The following SYNE2 variants were observed in gnomAD, a reference collection of about 807,000 sequenced individuals.
SYNE2 encodes spectrin repeat containing nuclear envelope protein 2.
SYNE2 carries 431 observed loss-of-function variants against 856.3 expected under a neutral mutation model. The ratio of observed to expected loss-of-function variants is 0.50; its 90% CI spans 0.47 to 0.55. SYNE2 has a LOEUF of 0.55. Ranked by LOEUF, SYNE2 falls within the 20% of genes least tolerant of loss-of-function variation. The pLI, the probability that SYNE2 is intolerant of heterozygous loss-of-function variation, is 0.00. For missense variants in SYNE2, 8,129 were observed against 8,023.2 expected, an observed-to-expected ratio of 1.01 and a Z score of -0.50; for synonymous variants, 2,923 against 2,872.3, an observed-to-expected ratio of 1.02 and a Z score of -0.56.
At chr14:63,945,107 T>C (rs1401144666) in intron 6 of SYNE2, among the ~76,000 whole-genome samples, 3 of 17,924 alleles carry the variant, frequency 1.7e-4, no homozygotes, top group Non-Finnish European at 3.0e-4. Context: ...ACCTGGCCTT[T>C]TTTTTTTTTT....
At chr14:63,957,738 A>G (rs1016760769) in intron 8 of SYNE2, among the ~76,000 whole-genome samples, 11 of 152,178 alleles carry the variant, frequency 7.2e-5, no homozygotes, top group Admixed American at 1.3e-4. Context: ...GTGGTGGTGC[A>G]TGCCTGTAAT....
Position 64,113,362 on chromosome 14 carries a change from G to T in SYNE2, c.12631G>T (p.Ala4211Ser). The change falls in exon 66 of 116, where the codon GCT becomes TCT. Residue 4211 changes from alanine to serine, a missense_variant. Transcript: ENST00000555002. ...TTAGGGCACCACACCTCCTATTGAG[G>T]CTGACACTCTGGACTCTTCTGACGC... ...TEEGTTPPIE[A>S]DTLDSSDAQG... 6.2e-7 allele frequency: 1 copy of T among 1,613,954 alleles called. No homozygotes were observed. Among genetic ancestry groups the T allele is most frequent in the Non-Finnish European group, 8.5e-7 (1 of 1,180,022 alleles).
chr14:64,060,997 G>A (rs938039123), intron 49 of SYNE2, among the ~76,000 whole-genome samples: 1 of 152,194 alleles, frequency 6.6e-6, no homozygotes, highest in African/African-American at 2.4e-5. Context: ...TGCTGCTGCT[G>A]GGGGATGGGT....
intron 99 of SYNE2, among the ~76,000 whole-genome samples, chr14:64,192,870 G>C (rs1455305131): frequency 6.6e-6 from 1 of 152,216 alleles, no homozygotes; most frequent in Non-Finnish European, 1.5e-5. Flanking sequence ...TAAGGAATTT[G>C]GGAGGGAATC....
rs368515471 is a variant in SYNE2, at chr14:63,968,627, TGAAAA to T, written c.1128+785_1128+789del. Among the ~76,000 whole-genome samples the T allele has an allele frequency of 4.1e-4, 63 of 152,352 alleles. 3 individuals are homozygous for T. The highest frequency in any genetic ancestry group is 1.3e-3 in the Admixed American group (20 of 15,294). ...CATATGGTACATAACTTTGTGCACT[TGAAAA>T]GAACACATATTCTGCAGTCATTGGG... On this transcript the variant is annotated intron_variant, in intron 11 of 115. Coordinates refer to ENST00000555002, the MANE Select transcript of SYNE2 (RefSeq NM_182914.3).
intron 61 of SYNE2, among the ~76,000 whole-genome samples, chr14:64,097,307 TAAATG>T (rs757621989): frequency 2.6e-5 from 4 of 151,972 alleles, no homozygotes; most frequent in Non-Finnish European, 4.4e-5. Context: ...GTAGAAAAAG[TAAATG>T]ATTGAGCAGG....
At chr14:63,960,698 C>T (rs2096300091) in intron 8 of SYNE2, 1 of 750,452 alleles carries the variant, frequency 1.3e-6, no homozygotes, top group African/African-American at 1.7e-5. Context: ...ATATTGCATT[C>T]ACCCTTTTGT....
In SYNE2 at chr14:64,056,165, C is replaced by T. The variant is rs1358898791; in HGVS notation, c.9966C>T (p.Ser3322=). ...CTGAGAAACTGGGAATGATATCCAGCCCCGAAGCCAAACTACAACTTCAGT... is the reference window on the plus strand; with the variant it reads ...CTGAGAAACTGGGAATGATATCCAGTCCCGAAGCCAAACTACAACTTCAGT... ...DLTEKLGMIS[S]PEAKLQLQYT... The change falls in exon 49 of 116, where the codon AGC becomes AGT. Residue 3322 remains serine, a synonymous_variant. Transcript: ENST00000555002. 6.2e-7 allele frequency: 1 copy of T among 1,614,076 alleles called. No homozygotes were observed. The highest frequency in any genetic ancestry group is 8.5e-7 in the Non-Finnish European group (1 of 1,179,974).
chr14:64,012,423 T>C (rs1460307624), intron 32 of SYNE2, among the ~76,000 whole-genome samples: 1 of 152,196 alleles, frequency 6.6e-6, no homozygotes, highest in Non-Finnish European at 1.5e-5. Context: ...GACAAACATA[T>C]ATATTTAATC....
Position 64,053,417 on chromosome 14 carries a change from A to G in SYNE2, c.9504A>G (p.Ile3168Met). Residue 3168 changes from isoleucine (I) to methionine (M), a missense_variant, in exon 48 of 116, where the codon ATA becomes ATG. Ile to Met is a conservative substitution (Grantham distance 10). Coordinates refer to ENST00000555002, the MANE Select transcript of SYNE2 (RefSeq NM_182914.3). ...LETSLHVLNQIKSQLQQPLLI... is the reference protein window; with the variant it reads ...LETSLHVLNQMKSQLQQPLLI... Reference sequence around the variant, plus strand: ...CTTCCTTACATGTTTTAAATCAGATAAAATCTCAATTACAGCAGCCATTAC... The same window carrying G: ...CTTCCTTACATGTTTTAAATCAGATGAAATCTCAATTACAGCAGCCATTAC... 6.2e-7 allele frequency: 1 copy of G among 1,613,070 alleles called. No individual in the cohort carries two copies. The highest frequency in any genetic ancestry group is 1.1e-5 in the South Asian group (1 of 90,520).
chr14:64,126,413 G>C lies in SYNE2; in HGVS notation c.13641G>C (p.Val4547=). ...CCCTCAGTCAGTGCCTCAGCAGTGT[G>C]GAGGAGATGCTGGAGATGCCCAGAC... ...FLTLSQCLSS[V]EEMLEMPRLY... is the part of the protein sequence containing the mutation. Residue 4547 remains valine (V), a synonymous_variant, in exon 72 of 116, where the codon GTG becomes GTC. Coordinates refer to ENST00000555002, the MANE Select transcript of SYNE2 (RefSeq NM_182914.3). 6.2e-7 allele frequency: 1 copy of C among 1,614,154 alleles called. No individual in the cohort carries two copies.
rs776801026 is a variant in SYNE2 at position 64,053,471 on chromosome 14, A to C, written c.9558A>C (p.Gln3186His). The stretch of plus-strand genomic sequence containing the variant: ...TAAATTTGGAAATTAAACATATTCA[A>C]AATGAAAAGGACAATTGTGAAGCAT... ...LLINLEIKHI[Q>H]NEKDNCEAFQ... The change falls in exon 48 of 116, where the codon CAA becomes CAC. Residue 3186 changes from glutamine to histidine, a missense_variant. By Grantham distance (24) the Gln-to-His change is conservative. This residue lies in a region of SYNE2 where 5,410 missense variants were observed against 5,284.8 expected (regional missense o/e 1.02). Coordinates refer to ENST00000555002, the MANE Select transcript of SYNE2 (RefSeq NM_182914.3). The C allele has an allele frequency of 1.2e-6, 2 of 1,614,072 alleles. No homozygotes were observed. The highest frequency in any genetic ancestry group is 1.3e-5 in the African/African-American group (1 of 75,052).
intron 99 of SYNE2, among the ~76,000 whole-genome samples, chr14:64,199,619 G>A (rs1486205459): frequency 2.6e-5 from 4 of 150,948 alleles, no homozygotes; most frequent in Admixed American, 2.0e-4. Flanking sequence ...TCAGGAGTCT[G>A]AGGCAGGAGA....
At chr14:64,079,557 G>T (rs1014265461) in intron 55 of SYNE2, among the ~76,000 whole-genome samples, 3 of 152,156 alleles carry the variant, frequency 2.0e-5, no homozygotes, top group African/African-American at 7.2e-5. Flanking sequence ...ATTAAGAATT[G>T]AATATTTTAC....
chr14:64,163,560 T>G lies in SYNE2; in HGVS notation c.16458T>G (p.Leu5486=). The change falls in exon 89 of 116, where the codon CTT becomes CTG. Residue 5486 remains leucine (L), a synonymous_variant. Transcript: ENST00000555002. ...CTGCTTATTTGGAAAAGATGCTGCTTGTGAAAGCAAATGAATTTGAGGTTC... is the reference window on the plus strand; with the variant it reads ...CTGCTTATTTGGAAAAGATGCTGCTGGTGAAAGCAAATGAATTTGAGGTTC... ...QRAAYLEKML[L]VKANEFEFVL... 6.2e-7 allele frequency: 1 copy of G among 1,614,156 alleles called. No homozygotes were observed. Among genetic ancestry groups the G allele is most frequent in the Non-Finnish European group, 8.5e-7 (1 of 1,180,038 alleles).
At chr14:63,869,778 C>T (rs1036124599) in intron 1 of SYNE2, among the ~76,000 whole-genome samples, 1 of 152,078 alleles carries the variant, frequency 6.6e-6, no homozygotes. Flanking sequence ...GGATAGATCT[C>T]GCACTAATCT....
At chr14:63,915,246 G>C (rs1470689434) in intron 2 of SYNE2, among the ~76,000 whole-genome samples, 1 of 152,194 alleles carries the variant, frequency 6.6e-6, no homozygotes, top group Non-Finnish European at 1.5e-5. Context: ...GCAGGTGGAG[G>C]ATCTATTTGA....
intron 87 of SYNE2, among the ~76,000 whole-genome samples, chr14:64,161,356 AAAG>A (rs2098328190): frequency 6.6e-6 from 1 of 152,090 alleles, no homozygotes; most frequent in Admixed American, 6.5e-5. Flanking sequence ...AAAAAAAAAA[AAAG>A]TAGGGAAGAA....
chr14:63,994,041 AT>A (rs2096691602), intron 22 of SYNE2, 72 bp downstream of exon 22: 11 of 1,510,892 alleles, frequency 7.3e-6, no homozygotes, highest in Non-Finnish European at 8.2e-6. Flanking sequence ...TGTCAGAGCC[AT>A]TCCTGGGGTT....
Sources: gnomAD v4.1 joint callset for allele counts (sites outside exome capture counted in the v4.1 genomes callset) on GRCh38, gnomAD v4.1.1 for gene constraint, gnomAD v4.1.1 regional missense constraint, MANE v1.5 for transcripts, NCBI Gene and HGNC (gene_info 2026-07-23, HGNC 2026-07-21) for gene names.